The following ADAM17 variants were observed in gnomAD, a reference collection of about 807,000 sequenced individuals.
ADAM17 encodes ADAM metallopeptidase domain 17, also known as disintegrin and metalloproteinase domain-containing protein 17.
In ADAM17, 39 loss-of-function variants were observed where a neutral mutation model predicts 96.7. The observed-to-expected ratio is 0.40, with a 90% CI of 0.31 to 0.53. The LOEUF (loss-of-function observed/expected upper bound fraction) is 0.53, where lower values mean the gene tolerates loss of function less well. Ranked by LOEUF, ADAM17 falls within the 20% of genes least tolerant of loss-of-function variation. The pLI, the probability that ADAM17 is intolerant of heterozygous loss-of-function variation, is 0.44. For missense variants in ADAM17, 777 were observed against 1,013.2 expected (o/e 0.77, Z 3.17); for synonymous variants, 344 against 359.2 (o/e 0.96, Z 0.48).
intron 12 of ADAM17, among the ~76,000 whole-genome samples, chr2:9,503,842 A>G (rs1215838427): frequency 1.3e-5 from 2 of 150,672 alleles, no homozygotes; most frequent in East Asian, 3.9e-4. Flanking sequence ...CGTCTCAAAA[A>G]AAAAAAAAAA....
At chr2:9,496,303 T>C (rs889104990) in intron 14 of ADAM17, 2 of 151,908 alleles carry the variant, frequency 1.3e-5, no homozygotes, top group Non-Finnish European at 2.9e-5. Flanking sequence ...TAATTTTTTT[T>C]ATTTTTAGTA....
chr2:9,536,674 C>T, intron 3 of ADAM17, 24 bp downstream of exon 3: 1 of 1,612,564 alleles, frequency 6.2e-7, no homozygotes, highest in Non-Finnish European at 8.5e-7. Context: ...GACACAGGGG[C>T]AAACCAACAA....
chr2:9,496,992 C>G, intron 14 of ADAM17, 122 bp downstream of exon 14: 1 of 1,451,374 alleles, frequency 6.9e-7, no homozygotes, highest in Non-Finnish European at 9.2e-7. Flanking sequence ...TCCCCATCCC[C>G]TCATCCTCGG....
rs562182608 is a variant in ADAM17, at chr2:9,554,222, G to A, written c.97+1287C>T. Among the ~76,000 whole-genome samples the A allele has an allele frequency of 3.9e-5, 6 of 152,306 alleles. No homozygotes were observed. The South Asian group carries it at 1.2e-3, about 32-fold the overall frequency. ...ACATAAGTGAAACAGTTGTGTCAGG[G>A]TGGTGCAAATATAATTTTAATATCT... On this transcript the variant is annotated intron_variant, in intron 1 of 18. Transcript: ENST00000310823.
intron 1 of ADAM17, among the ~76,000 whole-genome samples, chr2:9,550,502 G>C (rs1665555085): frequency 7.3e-6 from 1 of 137,146 alleles, no homozygotes; most frequent in Non-Finnish European, 1.5e-5. Context: ...CTGCACTGCA[G>C]TGGCTCAACC....
chr2:9,555,593 G>T lies in ADAM17; in HGVS notation c.13C>A (p.Leu5Ile). The change falls in exon 1 of 19, where the codon CTC (leucine) becomes ATC (isoleucine). Residue 5 changes from leucine to isoleucine, a missense_variant. Leu to Ile is a conservative substitution (Grantham distance 5). Around this residue, in one of 3 missense-constraint regions of ADAM17, gnomAD observed 134 missense variants for 129.1 expected, o/e 1.04. Coordinates refer to ENST00000310823, the MANE Select transcript of ADAM17 (RefSeq NM_003183.6). MRQS[L>I]LFLTSVVPFV... ...GGAACCACGCTGGTCAGGAATAGGA[G>T]AGACTGCCTCATGTTCCCGGCCCCG... 2 of 1,588,250 alleles carry T rather than the reference G, an allele frequency of 1.3e-6. No homozygotes were observed. Among genetic ancestry groups the T allele is most frequent in the South Asian group, 2.3e-5 (2 of 87,442 alleles).
At chr2:9,522,459 C>T (rs571680980) in intron 7 of ADAM17, 1 of 593,604 alleles carries the variant, frequency 1.7e-6, no homozygotes, top group East Asian at 2.8e-5. Flanking sequence ...AAATGCGTAA[C>T]AGTGAAAGAG....
intron 16 of ADAM17, 28 bp from the exon 17 acceptor site, chr2:9,493,014 C>CTCT: frequency 6.4e-7 from 1 of 1,557,464 alleles, no homozygotes; most frequent in Non-Finnish European, 8.8e-7. Context: ...CAGTTAATGT[C>CTCT]TTGACCAAGT....
rs55649546 is a variant in ADAM17 at position 9,504,763 on chromosome 2, GAAAAAAA to G, written c.1544+396_1544+402del. On this transcript the variant is annotated intron_variant, in intron 12 of 18. Transcript: ENST00000310823. ...GCGACAGAGCAAGACTCTGTCTCAG[GAAAAAAA>G]AAAAAAAAAAAGATTCTTTTAACTA... Among the ~76,000 whole-genome samples the G allele has an allele frequency of 8.5e-5, 10 of 117,798 alleles. 1 individual carries two copies. In the South Asian group the frequency reaches 2.8e-3, roughly 32 times the overall value. The allele number at this position is 117,798 out of a possible 152,430, so 77.3% of individuals were successfully genotyped here. A position where few individuals can be genotyped will look rare whatever the true frequency, so the allele number is the denominator to read the frequency against.
In ADAM17 at chr2:9,518,225, T is replaced by C. The variant is rs779424893; in HGVS notation, c.980A>G (p.Glu327Gly). ...TGCCAAGCAAACTTTAGATGCTTCC[T>C]CAGCTATATCAAAGCTAAATTGCTT... ...LLEQFSFDIA[E>G]EASKVCLAHL... Residue 327 changes from glutamate (E) to glycine (G), a missense_variant, in exon 9 of 19, where the codon GAG becomes GGG. Around this residue, in one of 3 missense-constraint regions of ADAM17, gnomAD observed 446 missense variants for 664.7 expected, o/e 0.67. Transcript: ENST00000310823. The C allele has an allele frequency of 1.3e-5, 18 of 1,357,468 alleles. No individual in the cohort carries two copies. The highest frequency in any genetic ancestry group is 2.8e-5 in the Admixed American group (1 of 36,118). 84.1% of individuals were successfully genotyped at this position (1,357,468 alleles called of 1,614,324 possible).
rs1473249918 is a variant in ADAM17, at chr2:9,505,198, G to A, written c.1512C>T (p.Ser504=). The A allele has an allele frequency of 6.2e-6, 10 of 1,614,034 alleles. No homozygotes were observed. The highest frequency in any genetic ancestry group is 7.6e-6 in the Non-Finnish European group (9 of 1,180,028). The change falls in exon 12 of 19, where the codon AGC becomes AGT. Residue 504 remains serine (S), a synonymous_variant. Transcript: ENST00000310823. ...GGACACCTTCCTTCAACGTGCAGTC[G>A]CTGTTGCAGCAGGTGTCGTTGTTCA... The part of the protein sequence containing the change: ...MYLNNDTCCN[S]DCTLKEGVQC...
At chr2:9,509,925 C>T in intron 11 of ADAM17, 54 bp downstream of exon 11, 1 of 1,598,128 alleles carries the variant, frequency 6.3e-7, no homozygotes, top group Non-Finnish European at 8.5e-7. Context: ...TCATTATGAT[C>T]ATTATACACA....
At chr2:9,546,623 G>C (rs1665411908) in intron 1 of ADAM17, among the ~76,000 whole-genome samples, 1 of 151,512 alleles carries the variant, frequency 6.6e-6, no homozygotes, top group African/African-American at 2.4e-5. Context: ...ATAAACTTAA[G>C]TATAAACCAC....
intron 8 of ADAM17, among the ~76,000 whole-genome samples, chr2:9,518,469 G>A (rs1234543253): frequency 6.6e-6 from 1 of 152,114 alleles, no homozygotes; most frequent in Non-Finnish European, 1.5e-5. Context: ...TCTGACAAGG[G>A]ACACAAAAGG....
chr2:9,503,837 CA>C (rs34655910), intron 12 of ADAM17, among the ~76,000 whole-genome samples: 122 of 124,718 alleles, frequency 9.8e-4, no homozygotes, highest in Middle Eastern at 4.1e-3. Flanking sequence ...GACTCCGTCT[CA>C]AAAAAAAAAA....
At position 9,554,180 on chromosome 2, in the gene ADAM17, C is replaced by T. The variant is rs148399784; in HGVS notation, c.97+1329G>A. Among the ~76,000 whole-genome samples, 121 of 152,238 alleles carry T rather than the reference C, an allele frequency of 7.9e-4. 1 individual carries two copies. The highest frequency in any genetic ancestry group is 2.7e-3 in the African/African-American group (114 of 41,552). ...TGGGACTCATGCTTATTTTTACCTA[C>T]GAACAACAGATTAATAACATAAGTG... On this transcript the variant is annotated intron_variant, in intron 1 of 18. Coordinates refer to ENST00000310823, the MANE Select transcript of ADAM17 (RefSeq NM_003183.6).
chr2:9,506,018 A>C (rs1012348307), intron 11 of ADAM17, among the ~76,000 whole-genome samples: 1 of 152,222 alleles, frequency 6.6e-6, no homozygotes, highest in Non-Finnish European at 1.5e-5. Context: ...CAGAACCACT[A>C]GGATAACTCC....
At chr2:9,518,489 G>A (rs767379337) in intron 8 of ADAM17, among the ~76,000 whole-genome samples, 1 of 152,058 alleles carries the variant, frequency 6.6e-6, no homozygotes, top group Non-Finnish European at 1.5e-5. Context: ...GGAATAGTTC[G>A]GGAGCTTGCT....
At chr2:9,495,499 G>A (rs1355213927) in intron 14 of ADAM17, among the ~76,000 whole-genome samples, 1 of 152,082 alleles carries the variant, frequency 6.6e-6, no homozygotes, top group Non-Finnish European at 1.5e-5. Context: ...GATCACTTGA[G>A]GCCAGGAGTT....
Sources: allele counts gnomAD v4.1 joint callset (sites outside exome capture counted in the v4.1 genomes callset), GRCh38; gene constraint gnomAD v4.1.1; regional missense constraint gnomAD v4.1.1; transcripts MANE v1.5; gene names NCBI Gene and HGNC (gene_info 2026-07-23, HGNC 2026-07-21).